Variants in CACNA1A observed in about 807,000 individuals in gnomAD.
The protein encoded by CACNA1A is voltage-dependent P/Q-type calcium channel subunit alpha-1A.
A neutral mutation model predicts 262.4 loss-of-function variants in CACNA1A; 57 were observed. The observed-to-expected ratio is 0.22, with a 90% CI of 0.18 to 0.27. CACNA1A has a LOEUF of 0.27. CACNA1A is among the 10% of genes least tolerant of loss of function. CACNA1A has a pLI of 1.00. For synonymous variants in CACNA1A, 1,431 were observed against 1,419.3 expected (o/e 1.01, Z -0.18); for missense variants, 2,526 against 3,562.8 (o/e 0.71, Z 7.41).
At position 13,308,489 on chromosome 19, in the gene CACNA1A, T is replaced by C. The variant is rs776862279; in HGVS notation, c.1708A>G (p.Ile570Val). Residue 570 changes from isoleucine (I) to valine (V), a missense_variant, in exon 13 of 47, where the codon ATA (isoleucine) becomes GTA (valine). Physicochemically the swap from Ile to Val is conservative, Grantham distance 29. This residue lies in a region of CACNA1A where 102 missense variants were observed against 278.9 expected (regional missense o/e 0.37). Transcript: ENST00000360228. The surrounding 1 kb of genome is among the most constrained non-coding windows in gnomAD (Gnocchi z 4.2). The stretch of plus-strand genomic sequence containing the variant: ...ATTCCAAAGGATGTGCCAGGTTTTA[T>C]GACAGCCCAGATGACCTCGAAGATG... ...GSIFEVIWAV[I>V]KPGTSFGISV... 5 of 1,613,718 alleles carry C rather than the reference T, an allele frequency of 3.1e-6. No individual in the cohort carries two copies. Among genetic ancestry groups the C allele is most frequent in the African/African-American group, 2.7e-5 (2 of 75,024 alleles).
chr19:13,433,505 C>G (rs1352418308), intron 3 of CACNA1A, among the ~76,000 whole-genome samples: 1 of 142,816 alleles, frequency 7.0e-6, no homozygotes, highest in East Asian at 2.2e-4. Context: ...AAGATGGACC[C>G]CCAGGGACAT....
rs191578536 is a variant in CACNA1A, at chr19:13,231,947, G to A, written c.5250-87C>T. 2.6e-5 allele frequency: 37 copies of A among 1,404,654 alleles called. No homozygotes were observed. The East Asian group carries it at 3.5e-4, about 13-fold the overall frequency. 87.0% of individuals were successfully genotyped at this position (1,404,654 alleles called of 1,614,324 possible). A position where few individuals can be genotyped will look rare whatever the true frequency, so the allele number is the denominator to read the frequency against. On this transcript the variant is annotated intron_variant, in intron 34 of 46. Coordinates refer to ENST00000360228, the MANE Select transcript of CACNA1A (RefSeq NM_001127222.2). ...CCAGGAGGTGGAGCACACACGTTGAGCACTTGGGCTCTGGAGCTGGCCAGG... is the reference window on the plus strand; with the variant it reads ...CCAGGAGGTGGAGCACACACGTTGAACACTTGGGCTCTGGAGCTGGCCAGG...
In CACNA1A at chr19:13,307,776, CT is replaced by C; in HGVS notation, c.1986+5del. The C allele has an allele frequency of 2.5e-6, 4 of 1,613,672 alleles. No individual in the cohort carries two copies. In the East Asian group the frequency reaches 8.9e-5, roughly 36 times the overall value. ...GTTGGCCCGTGGGGCCAGGTGGAGG[CT>C]GTACCTGAAACACCGTCATTATTGC... On this transcript the variant is annotated splice_donor_5th_base_variant and intron_variant, in intron 15 of 46. Coordinates refer to ENST00000360228, the MANE Select transcript of CACNA1A (RefSeq NM_001127222.2).
At chr19:13,503,229 A>G (rs1372378787) in intron 1 of CACNA1A, among the ~76,000 whole-genome samples, 1 of 152,198 alleles carries the variant, frequency 6.6e-6, no homozygotes, top group Non-Finnish European at 1.5e-5. Context: ...TACATGTTTA[A>G]AAGAGGCAAA....
chr19:13,499,762 G>A (rs1019117567), intron 1 of CACNA1A, among the ~76,000 whole-genome samples: 7 of 152,158 alleles, frequency 4.6e-5, no homozygotes, highest in Non-Finnish European at 8.8e-5. Context: ...AGTCCGGAGT[G>A]TTTTCCCTCT....
intron 20 of CACNA1A, among the ~76,000 whole-genome samples, chr19:13,286,100 GT>G (rs1169479250): frequency 6.6e-6 from 1 of 151,496 alleles, no homozygotes; most frequent in Non-Finnish European, 1.5e-5. Flanking sequence ...CTTTTTTAAT[GT>G]GGCGACTAGA....
At chr19:13,420,746 C>T (rs1156620873) in intron 3 of CACNA1A, among the ~76,000 whole-genome samples, 1 of 152,108 alleles carries the variant, frequency 6.6e-6, no homozygotes, top group Non-Finnish European at 1.5e-5. Flanking sequence ...CCTAGAAAGC[C>T]AATATAGGGA....
chr19:13,343,755 T>C lies in CACNA1A; in HGVS notation c.979-7846A>G, dbSNP rs150835358. ...CATTGGGTCAATGCAGAAATTAAGA[T>C]GGAGACTTAAAAAATTTTGGAAATG... On this transcript the variant is annotated intron_variant, in intron 6 of 46. Coordinates refer to ENST00000360228, the MANE Select transcript of CACNA1A (RefSeq NM_001127222.2). Among the ~76,000 whole-genome samples, 433 of 152,176 alleles carry C rather than the reference T, an allele frequency of 2.8e-3. 4 individuals are homozygous for C. The highest frequency in any genetic ancestry group is 9.1e-3 in the African/African-American group (377 of 41,518).
intron 19 of CACNA1A, 124 bp from the exon 20 acceptor site, chr19:13,287,090 G>A (rs1032514510): frequency 3.9e-6 from 3 of 778,994 alleles, no homozygotes; most frequent in East Asian, 2.8e-5. Flanking sequence ...AGTGGCTCAC[G>A]CCTGTAATCC....
At chr19:13,255,382 GCC>G in intron 28 of CACNA1A, 123 bp from the exon 29 acceptor site, 1 of 847,224 alleles carries the variant, frequency 1.2e-6, no homozygotes, top group Non-Finnish European at 1.7e-6. Flanking sequence ...TGCCTCTCTT[GCC>G]CCCAGCCAGG....
chr19:13,499,451 G>A (rs1044444609), intron 1 of CACNA1A, among the ~76,000 whole-genome samples: 1 of 113,924 alleles, frequency 8.8e-6, no homozygotes, highest in Non-Finnish European at 1.7e-5. Context: ...AGGGGGTGGT[G>A]GGGGGGGGCA....
chr19:13,298,597 C>T lies in CACNA1A; in HGVS notation c.3036G>A (p.Thr1012=), dbSNP rs1302148060. ...RRRHRHGAPA[T]YEGDARREDK... The stretch of plus-strand genomic sequence containing the variant: ...CCTCCCTCCGCGCGTCCCCCTCGTA[C>T]GTGGCTGGAGCGCCATGCCGGTGCC... The change falls in exon 19 of 47, where the codon ACG becomes ACA. Residue 1012 remains threonine (T), a synonymous_variant. Transcript: ENST00000360228. 2 of 1,541,028 alleles carry T rather than the reference C, an allele frequency of 1.3e-6. No individual in the cohort carries two copies. The highest frequency in any genetic ancestry group is 2.0e-5 in the Admixed American group (1 of 50,354).
intron 10 of CACNA1A, among the ~76,000 whole-genome samples, chr19:13,324,825 G>A (rs1300275801): frequency 6.6e-6 from 1 of 152,140 alleles, no homozygotes; most frequent in East Asian, 1.9e-4. Flanking sequence ...AGAGAGCTAT[G>A]ATCATATCAC....
chr19:13,504,639 G>A (rs1233887862), intron 1 of CACNA1A, among the ~76,000 whole-genome samples: 5 of 152,144 alleles, frequency 3.3e-5, no homozygotes, highest in Non-Finnish European at 7.4e-5. Flanking sequence ...GAGCCCCAGG[G>A]ACCCATCCAG....
intron 31 of CACNA1A, among the ~76,000 whole-genome samples, chr19:13,239,849 A>C (rs1358332537): frequency 2.6e-5 from 4 of 151,952 alleles, no homozygotes; most frequent in Non-Finnish European, 4.4e-5. Flanking sequence ...CAGAGACAGG[A>C]ACAGTGAATG....
At chr19:13,354,278 G>C (rs756851908) in intron 6 of CACNA1A, among the ~76,000 whole-genome samples, 8 of 152,242 alleles carry the variant, frequency 5.3e-5, no homozygotes, top group Non-Finnish European at 1.0e-4. Context: ...AGCTTGTTCA[G>C]AGCTGGGTAA....
intron 38 of CACNA1A, among the ~76,000 whole-genome samples, chr19:13,217,432 G>A (rs1395531223): frequency 2.0e-5 from 3 of 152,144 alleles, no homozygotes; most frequent in South Asian, 2.1e-4. Context: ...AAGAAAGCGC[G>A]TTATGTTCTC....
chr19:13,476,394 C>T (rs1035071363), intron 1 of CACNA1A, among the ~76,000 whole-genome samples: 1 of 152,184 alleles, frequency 6.6e-6, no homozygotes, highest in Non-Finnish European at 1.5e-5. Flanking sequence ...ACCATCATTG[C>T]CAACTCATCA....
chr19:13,396,459 C>T (rs1047748514), intron 3 of CACNA1A, among the ~76,000 whole-genome samples: 19 of 152,172 alleles, frequency 1.2e-4, no homozygotes, highest in African/African-American at 4.3e-4. Flanking sequence ...ACAGCTGCGC[C>T]GGCCCCTAGA....
Sources: gnomAD v4.1 joint callset for allele counts (sites outside exome capture counted in the v4.1 genomes callset) on GRCh38, gnomAD v4.1.1 for gene constraint, gnomAD v4.1.1 regional missense constraint, Gnocchi (gnomAD v3.1) non-coding constraint, MANE v1.5 for transcripts, NCBI Gene and HGNC (gene_info 2026-07-23, HGNC 2026-07-21) for gene names.